Variants in WWOX observed in about 807,000 individuals in gnomAD.
WWOX encodes the protein WW domain containing oxidoreductase.
WWOX carries 69 observed loss-of-function variants against 46.2 expected under a neutral mutation model. The ratio of observed to expected loss-of-function variants is 1.49; its 90% CI spans 1.23 to 1.82. The LOEUF (loss-of-function observed/expected upper bound fraction) is 1.82. Among genes scored for constraint, WWOX ranks in the 40% most tolerant of loss-of-function variants. WWOX has a pLI of 0.00. For synonymous variants in WWOX, 359 were observed against 202.6 expected (o/e 1.77, Z -6.56); for missense variants, 919 against 542.6 (o/e 1.69, Z -6.89).
chr16:78,917,248 C>T (rs1008759291), intron 8 of WWOX, among the ~76,000 whole-genome samples: 1 of 152,178 alleles, frequency 6.6e-6, no homozygotes, highest in Non-Finnish European at 1.5e-5. Context: ...CCAAAGCTCA[C>T]GAACTGAGAG....
chr16:78,181,395 T>C (rs187462666), intron 5 of WWOX, among the ~76,000 whole-genome samples: 1 of 152,310 alleles, frequency 6.6e-6, no homozygotes, highest in Admixed American at 6.5e-5. Flanking sequence ...AGAAAGAAAT[T>C]GTCTAACATA....
chr16:78,721,751 A>G (rs1402899774), intron 8 of WWOX, among the ~76,000 whole-genome samples: 1 of 152,210 alleles, frequency 6.6e-6, no homozygotes, highest in Non-Finnish European at 1.5e-5. Context: ...CGAATGAGAG[A>G]TTACATACAC....
Position 78,485,159 on chromosome 16 carries a change from A to T in WWOX, c.1056+52407A>T, listed in dbSNP as rs182451454. ...ATGTACTTTAAAAAAAAAAATTAAT[A>T]AAGTTTATTTTTACAGTAATTTTAA... On this transcript the variant is annotated intron_variant, in intron 8 of 8. Transcript: ENST00000566780. Among the ~76,000 whole-genome samples the T allele has an allele frequency of 6.5e-4, 99 of 152,308 alleles. 1 individual carries two copies. Among genetic ancestry groups the T allele is most frequent in the African/African-American group, 2.3e-3 (96 of 41,576 alleles).
At chr16:78,940,214 T>C (rs1183452626) in intron 8 of WWOX, among the ~76,000 whole-genome samples, 9 of 152,196 alleles carry the variant, frequency 5.9e-5, no homozygotes, top group Non-Finnish European at 1.5e-5. Context: ...TAAATTCGAG[T>C]AACAGAAATG....
chr16:78,396,941 T>G (rs1056940542), intron 6 of WWOX, among the ~76,000 whole-genome samples: 13 of 152,226 alleles, frequency 8.5e-5, no homozygotes, highest in Non-Finnish European at 1.5e-4. Flanking sequence ...TTACTACTCC[T>G]TGGACGGTGG....
chr16:78,517,157 T>C (rs976125962), intron 8 of WWOX, among the ~76,000 whole-genome samples: 4 of 152,194 alleles, frequency 2.6e-5, no homozygotes, highest in Non-Finnish European at 5.9e-5. Context: ...AATCTTACAG[T>C]GCATTTTATA....
At chr16:78,153,019 A>G (rs1045875472) in intron 4 of WWOX, among the ~76,000 whole-genome samples, 4 of 152,204 alleles carry the variant, frequency 2.6e-5, no homozygotes, top group Non-Finnish European at 4.4e-5. Context: ...AGGGCTGGCT[A>G]TGACTTATTT....
At chr16:78,613,428 T>A (rs1410789275) in intron 8 of WWOX, among the ~76,000 whole-genome samples, 1 of 152,186 alleles carries the variant, frequency 6.6e-6, no homozygotes, top group South Asian at 2.1e-4. Flanking sequence ...ACCAGATTGG[T>A]GTCTATGAGG....
intron 8 of WWOX, among the ~76,000 whole-genome samples, chr16:78,906,411 C>T (rs1246178414): frequency 6.6e-6 from 1 of 152,092 alleles, no homozygotes; most frequent in African/African-American, 2.4e-5. Flanking sequence ...TCCTACTTTC[C>T]CTCCCCAACC....
At chr16:78,504,864 G>A (rs967362471) in intron 8 of WWOX, among the ~76,000 whole-genome samples, 1 of 152,002 alleles carries the variant, frequency 6.6e-6, no homozygotes, top group East Asian at 1.9e-4. Flanking sequence ...AGAATATCTC[G>A]AGTTCTTAAT....
At chr16:78,587,232 C>G (rs574601066) in intron 8 of WWOX, among the ~76,000 whole-genome samples, 8 of 131,864 alleles carry the variant, frequency 6.1e-5, no homozygotes, top group South Asian at 2.4e-4. Flanking sequence ...AACAGAGTCT[C>G]TCTATGTTGC....
At chr16:78,891,871 A>T (rs542922064) in intron 8 of WWOX, 1 of 152,318 alleles carries the variant, frequency 6.6e-6, no homozygotes, top group African/African-American at 2.4e-5. Context: ...GTTATACTTC[A>T]TCAACTCTAA....
intron 5 of WWOX, among the ~76,000 whole-genome samples, chr16:78,189,851 C>T (rs973000700): frequency 1.3e-5 from 2 of 152,010 alleles, no homozygotes; most frequent in Non-Finnish European, 2.9e-5. Context: ...GACGAGGTTT[C>T]ACCATGTTTG....
intron 8 of WWOX, among the ~76,000 whole-genome samples, chr16:78,593,737 AGAGAG>A (rs368568468): frequency 2.7e-3 from 128 of 47,298 alleles, no homozygotes; most frequent in African/African-American, 5.0e-3. Flanking sequence ...AAAAAAAAAA[AGAGAG>A]AGAGAGAGAG....
intron 8 of WWOX, among the ~76,000 whole-genome samples, chr16:78,957,183 T>A (rs981968881): frequency 6.6e-6 from 1 of 152,170 alleles, no homozygotes; most frequent in Admixed American, 6.5e-5. Context: ...AAAGAAGCAA[T>A]ATTTACTGAA....
chr16:78,984,714 T>G (rs2151337880), intron 8 of WWOX, among the ~76,000 whole-genome samples: 1 of 152,332 alleles, frequency 6.6e-6, no homozygotes, highest in East Asian at 1.9e-4. Flanking sequence ...CTTCATACTT[T>G]TGTAATACCG....
intron 8 of WWOX, among the ~76,000 whole-genome samples, chr16:78,792,576 C>T (rs921619100): frequency 6.6e-6 from 1 of 152,166 alleles, no homozygotes; most frequent in South Asian, 2.1e-4. Context: ...AAATTTGTCA[C>T]ATCACACTGG....
intron 8 of WWOX, among the ~76,000 whole-genome samples, chr16:78,588,766 A>C (rs955666380): frequency 3.3e-5 from 5 of 152,204 alleles, no homozygotes; most frequent in Non-Finnish European, 7.3e-5. Flanking sequence ...ACTATGTACC[A>C]AACACTTAGC....
At chr16:78,183,049 C>T (rs971122426) in intron 5 of WWOX, among the ~76,000 whole-genome samples, 8 of 151,732 alleles carry the variant, frequency 5.3e-5, no homozygotes, top group Non-Finnish European at 2.9e-5. Flanking sequence ...TATGACAGCA[C>T]GGATCACATA....
Sources: gnomAD v4.1 joint callset for allele counts (sites outside exome capture counted in the v4.1 genomes callset) on GRCh38, gnomAD v4.1.1 for gene constraint, MANE v1.5 for transcripts, NCBI Gene and HGNC (gene_info 2026-07-23, HGNC 2026-07-21) for gene names.